The following ANP32A variants were observed in gnomAD, a reference collection of about 807,000 sequenced individuals.
The protein encoded by ANP32A is acidic nuclear phosphoprotein 32 family member A, also known as acidic leucine-rich nuclear phosphoprotein 32 family member A.
Under a neutral mutation model 33.9 loss-of-function variants are expected in ANP32A, and 1 was observed. The ratio of observed to expected loss-of-function variants is 0.03; its 90% confidence interval spans 0.01 to 0.14. The LOEUF (loss-of-function observed/expected upper bound fraction) is 0.14. ANP32A is among the 10% of genes least tolerant of loss of function. The pLI is 1.00. For missense variants in ANP32A, 155 were observed against 306.0 expected (o/e 0.51, Z 3.68); for synonymous variants, 115 against 120.5 (o/e 0.95, Z 0.30).
chr15:68,820,458 C>A (rs1410969645), intron 1 of ANP32A, among the ~76,000 whole-genome samples: 1 of 152,148 alleles, frequency 6.6e-6, no homozygotes, highest in African/African-American at 2.4e-5. Flanking sequence ...CCCACACTCG[C>A]ACACGCGGGA....
Position 68,812,536 on chromosome 15 carries a change from A to T in ANP32A, c.54+8162T>A, listed in dbSNP as rs184141023. On this transcript the variant is annotated intron_variant, in intron 1 of 6. Transcript: ENST00000465139. Reference sequence around the variant, plus strand: ...GGAGAAGATGGGATGGGCTGGTTTAAAACAGAAGTCATGATTGACCCTCAG... The same window carrying T: ...GGAGAAGATGGGATGGGCTGGTTTATAACAGAAGTCATGATTGACCCTCAG... 2.0e-4 allele frequency among the ~76,000 whole-genome samples: 30 copies of T among 152,290 alleles called. 1 individual carries two copies. Among genetic ancestry groups the T allele is most frequent in the Middle Eastern group, 3.4e-3 (1 of 294 alleles).
At chr15:68,782,853 T>C (rs1434403345) in intron 5 of ANP32A, 103 bp downstream of exon 5, 2 of 1,503,018 alleles carry the variant, frequency 1.3e-6, no homozygotes, top group African/African-American at 2.8e-5. Context: ...GGGAGCGACT[T>C]TCCTAACCAG....
intron 1 of ANP32A, among the ~76,000 whole-genome samples, chr15:68,810,448 G>C (rs895109422): frequency 1.3e-5 from 2 of 152,168 alleles, no homozygotes; most frequent in Non-Finnish European, 1.5e-5. Context: ...GCAAGGGACA[G>C]AGGACATGGG....
chr15:68,803,326 TGTC>T (rs1894164186), intron 1 of ANP32A, among the ~76,000 whole-genome samples: 1 of 152,248 alleles, frequency 6.6e-6, no homozygotes, highest in East Asian at 1.9e-4. Flanking sequence ...AGCCTCCTCT[TGTC>T]CCAGAATGGG....
chr15:68,790,907 G>C, intron 1 of ANP32A: 1 of 152,254 alleles, frequency 6.6e-6, no homozygotes, highest in South Asian at 2.1e-4. Context: ...AGATTGGAAG[G>C]CCTCAGAAGC....
At chr15:68,818,039 AAAAT>A (rs1338815016) in intron 1 of ANP32A, among the ~76,000 whole-genome samples, 3 of 152,206 alleles carry the variant, frequency 2.0e-5, no homozygotes, top group South Asian at 2.1e-4. Flanking sequence ...GCCGTTAAAA[AAAAT>A]AAATAAATAA....
At chr15:68,800,909 C>T (rs1428561360) in intron 1 of ANP32A, among the ~76,000 whole-genome samples, 6 of 151,852 alleles carry the variant, frequency 4.0e-5, no homozygotes, top group Non-Finnish European at 8.8e-5. Flanking sequence ...GAAGGAAAAG[C>T]CAGGGCAAAG....
intron 1 of ANP32A, chr15:68,801,892 G>T (rs532832573): frequency 6.5e-6 from 1 of 154,776 alleles, no homozygotes; most frequent in South Asian, 2.0e-4. Context: ...CTCCTCTGGG[G>T]AAGGCTCCTT....
chr15:68,779,183 A>C lies in ANP32A; in HGVS notation c.*898T>G, dbSNP rs1893832049. Reference sequence around the variant, plus strand: ...TCCGTGCTCGGGTGTATGAAAAAAAAAACCCAGCCGACATGCAGCAACGTC... The same window carrying C: ...TCCGTGCTCGGGTGTATGAAAAAAACAACCCAGCCGACATGCAGCAACGTC... On this transcript the variant is annotated 3_prime_UTR_variant, in exon 7 of 7. Transcript: ENST00000465139. 6.6e-6 allele frequency: 1 copy of C among 152,160 alleles called. No individual in the cohort carries two copies. Among genetic ancestry groups the C allele is most frequent in the Non-Finnish European group, 1.5e-5 (1 of 68,020 alleles). The allele number at this position is 152,160 out of a possible 1,614,324, so 9.4% of individuals were successfully genotyped here.
intron 3 of ANP32A, 117 bp from the exon 4 acceptor site, chr15:68,784,712 G>T: frequency 1.7e-6 from 2 of 1,195,410 alleles, no homozygotes; most frequent in Non-Finnish European, 2.4e-6. Context: ...TGACTTCCAG[G>T]TGATAAGGAA....
rs374816952 is a variant in ANP32A at position 68,780,011 on chromosome 15, G to C, written c.*70C>G. 185 of 1,412,530 alleles carry C rather than the reference G, an allele frequency of 1.3e-4. 1 individual carries two copies. The highest frequency in any genetic ancestry group is 4.1e-4 in the Middle Eastern group (2 of 4,826). The allele number at this position is 1,412,530 out of a possible 1,614,324, so 87.5% of individuals were successfully genotyped here. ...AGTTTCAGGGGGCAGGATTGGAGGG[G>C]GGGGGGAGAGGGGATATGGGTAAAA... is the stretch of plus-strand genomic sequence containing the variant. On this transcript the variant is annotated 3_prime_UTR_variant, in exon 7 of 7. Transcript: ENST00000465139. This position sits in a 1 kb window ranked among gnomAD's most constrained non-coding sequence, Gnocchi z 4.3.
rs1269686307 is a variant in ANP32A at position 68,779,928 on chromosome 15, C to T, written c.*153G>A. ...CCACCCGCCATCCCTCCCCCCGCAA[C>T]CCCCAGTACACTCTTCCCCTCTCGT... On this transcript the variant is annotated 3_prime_UTR_variant, in exon 7 of 7. Transcript: ENST00000465139. 8 of 336,196 alleles carry T rather than the reference C, an allele frequency of 2.4e-5. No individual in the cohort carries two copies. Among genetic ancestry groups the T allele is most frequent in the Admixed American group, 4.7e-5 (1 of 21,478 alleles). The allele number at this position is 336,196 out of a possible 1,614,324, so 20.8% of individuals were successfully genotyped here. A position where few individuals can be genotyped will look rare whatever the true frequency, so the allele number is the denominator to read the frequency against.
intron 1 of ANP32A, among the ~76,000 whole-genome samples, chr15:68,812,474 T>C (rs987383012): frequency 2.6e-5 from 4 of 151,848 alleles, no homozygotes; most frequent in Admixed American, 1.3e-4. Context: ...GCTGAGAAGG[T>C]TGGAGGGGAG....
rs565540427 is a variant in ANP32A at position 68,783,718 on chromosome 15, C to T, written c.527-665G>A. Among the ~76,000 whole-genome samples the T allele has an allele frequency of 2.0e-5, 3 of 152,226 alleles. No homozygotes were observed. In the South Asian group the frequency reaches 6.2e-4, roughly 32 times the overall value. ...GGGAGAAGGGGAGGGAACAGGACTC[C>T]CTTCTTTTCCCTCCTTCCTTCCTGT... On this transcript the variant is annotated intron_variant, in intron 4 of 6. Transcript: ENST00000465139.
Position 68,779,849 on chromosome 15 carries a change from A to G in ANP32A, c.*232T>C, listed in dbSNP as rs1893841860. 3.8e-6 allele frequency: 2 copies of G among 530,634 alleles called. No individual in the cohort carries two copies. The highest frequency in any genetic ancestry group is 3.3e-6 in the Non-Finnish European group (1 of 299,782). The allele number at this position is 530,634 out of a possible 1,614,324, so 32.9% of individuals were successfully genotyped here. A position where few individuals can be genotyped will look rare whatever the true frequency, so the allele number is the denominator to read the frequency against. ...AGGGACAAAAACCGGACACAAAGAA[A>G]AAGTAGGGGAAAAAAATAAAGAGTG... is the stretch of plus-strand genomic sequence containing the variant. On this transcript the variant is annotated 3_prime_UTR_variant, in exon 7 of 7. Transcript: ENST00000465139.
At chr15:68,788,145 G>A (rs1893956303) in intron 1 of ANP32A, among the ~76,000 whole-genome samples, 1 of 152,154 alleles carries the variant, frequency 6.6e-6, no homozygotes, top group Admixed American at 6.5e-5. Context: ...GAGGCCTGTG[G>A]TGAGCCGAGC....
At chr15:68,813,057 T>C (rs1199044997) in intron 1 of ANP32A, 1 of 152,238 alleles carries the variant, frequency 6.6e-6, no homozygotes, top group East Asian at 1.9e-4. Context: ...GTGCTGACTT[T>C]AATCCACATT....
intron 1 of ANP32A, among the ~76,000 whole-genome samples, chr15:68,809,216 C>T (rs1203750959): frequency 2.6e-5 from 4 of 152,128 alleles, no homozygotes; most frequent in Non-Finnish European, 4.4e-5. Context: ...CCAAGGATCT[C>T]GGGCAAGCTA....
At chr15:68,787,216 G>T in intron 3 of ANP32A, 197 bp downstream of exon 3, 1 of 694,608 alleles carries the variant, frequency 1.4e-6, no homozygotes, top group South Asian at 1.9e-5. Context: ...CTGTGACCTT[G>T]GTCAAGGTAT....
Sources: gnomAD v4.1 joint callset for allele counts (sites outside exome capture counted in the v4.1 genomes callset) on GRCh38, gnomAD v4.1.1 for gene constraint, Gnocchi (gnomAD v3.1) non-coding constraint, MANE v1.5 for transcripts, NCBI Gene and HGNC (gene_info 2026-07-23, HGNC 2026-07-21) for gene names.